Variants in UXS1 observed in about 807,000 individuals in gnomAD.
UXS1 encodes UDP-glucuronate decarboxylase 1.
A neutral mutation model predicts 62.6 loss-of-function variants in UXS1; 33 were observed. The ratio of observed to expected loss-of-function variants is 0.53; its 90% CI spans 0.40 to 0.70. The LOEUF (loss-of-function observed/expected upper bound fraction) is 0.70, where lower values mean the gene tolerates loss of function less well. Ranked by LOEUF, UXS1 falls within the 30% of genes least tolerant of loss-of-function variation. The probability of loss-of-function intolerance (pLI) is 0.00; values close to 1 mark genes in which losing one functional copy is unlikely to be tolerated. For missense variants in UXS1, 434 were observed against 556.3 expected (o/e 0.78, Z 2.21); for synonymous variants, 213 against 206.8 (o/e 1.03, Z -0.26).
At chr2:106,130,092 A>C (rs1171182091) in intron 6 of UXS1, among the ~76,000 whole-genome samples, 4 of 152,134 alleles carry the variant, frequency 2.6e-5, no homozygotes, top group African/African-American at 9.7e-5. Context: ...ATCAGAAGGA[A>C]GACTGATTTT....
chr2:106,110,946 G>T (rs1254008531), intron 10 of UXS1, among the ~76,000 whole-genome samples: 1 of 152,176 alleles, frequency 6.6e-6, no homozygotes, highest in Non-Finnish European at 1.5e-5. Flanking sequence ...AGAATGCCTG[G>T]AAGAAAAGCA....
At chr2:106,107,934 G>C (rs1200630355) in intron 10 of UXS1, among the ~76,000 whole-genome samples, 1 of 152,236 alleles carries the variant, frequency 6.6e-6, no homozygotes, top group African/African-American at 2.4e-5. Flanking sequence ...CAAGGAAATA[G>C]TCCCTAGTAC....
chr2:106,168,329 G>A (rs972307328), intron 1 of UXS1, among the ~76,000 whole-genome samples: 2 of 152,162 alleles, frequency 1.3e-5, no homozygotes, highest in African/African-American at 4.8e-5. Context: ...CCATGGCAAC[G>A]TCAGGAAGTT....
At chr2:106,166,128 T>C (rs773778127) in intron 1 of UXS1, 45 bp from the exon 2 acceptor site, 1 of 1,577,082 alleles carries the variant, frequency 6.3e-7, no homozygotes, top group African/African-American at 1.4e-5. Context: ...AGTCCACAAC[T>C]TTCAGGGATT....
rs751418142 is a variant in UXS1, at chr2:106,194,230, C to G, written c.12G>C (p.Lys4Asn). Residue 4 changes from lysine to asparagine, a missense_variant, in exon 1 of 15, where the codon AAG becomes AAC. Physicochemically the swap from Lys to Asn is moderately conservative, Grantham distance 94 (BLOSUM62 0). Transcript: ENST00000283148. ...CGGCAGACACGAGGCGCAGCAGCGC[C>G]TTGCTCACCATCCCCGGGAGCCGCG... is the stretch of plus-strand genomic sequence containing the variant. MVS[K>N]ALLRLVSAVN... The G allele has an allele frequency of 4.8e-6, 7 of 1,446,084 alleles. No homozygotes were observed. In the South Asian group the frequency reaches 7.8e-5, roughly 16 times the overall value. The allele number at this position is 1,446,084 out of a possible 1,614,324, so 89.6% of individuals were successfully genotyped here.
chr2:106,163,548 A>G, intron 4 of UXS1, 119 bp downstream of exon 4: 1 of 587,218 alleles, frequency 1.7e-6, no homozygotes, highest in Non-Finnish European at 2.9e-6. Flanking sequence ...AAAGTGGGGG[A>G]AATGCGTATA....
At chr2:106,117,252 G>C (rs889281888) in intron 9 of UXS1, among the ~76,000 whole-genome samples, 4 of 152,234 alleles carry the variant, frequency 2.6e-5, no homozygotes, top group African/African-American at 9.6e-5. Flanking sequence ...GGCCACCTGA[G>C]AGCCTGTCAA....
chr2:106,129,430 T>C (rs534399530), intron 7 of UXS1, among the ~76,000 whole-genome samples: 1 of 152,368 alleles, frequency 6.6e-6, no homozygotes, highest in South Asian at 2.1e-4. Flanking sequence ...ACCAGGGTGC[T>C]GCAGCCTGAT....
intron 1 of UXS1, among the ~76,000 whole-genome samples, chr2:106,187,511 C>T (rs899429600): frequency 1.3e-5 from 2 of 152,120 alleles, no homozygotes; most frequent in East Asian, 1.9e-4. Flanking sequence ...AAAACTGTAC[C>T]GTAACCAAAG....
rs562813349 is a variant in UXS1 at position 106,143,341 on chromosome 2, A to G, written c.472+1849T>C. 1.0e-4 allele frequency among the ~76,000 whole-genome samples: 14 copies of G among 137,874 alleles called. No homozygotes were observed. In the South Asian group the frequency reaches 1.3e-3, roughly 12 times the overall value. The allele number at this position is 137,874 out of a possible 152,430, so 90.5% of individuals were successfully genotyped here. On this transcript the variant is annotated intron_variant, in intron 6 of 14. Coordinates refer to ENST00000283148, the MANE Select transcript of UXS1 (RefSeq NM_001253875.2). ...GGAGAATGGCGTGAACCCGGGAGGCAGAGCTTGCAATGAGCTGAGATCGTG... is the reference window on the plus strand; with the variant it reads ...GGAGAATGGCGTGAACCCGGGAGGCGGAGCTTGCAATGAGCTGAGATCGTG...
chr2:106,186,989 T>C (rs933314663), intron 1 of UXS1, among the ~76,000 whole-genome samples: 16 of 152,116 alleles, frequency 1.1e-4, no homozygotes, highest in Non-Finnish European at 2.1e-4. Flanking sequence ...AGGAGATATA[T>C]GTAAAGTACT....
chr2:106,189,982 G>C (rs992048843), intron 1 of UXS1, among the ~76,000 whole-genome samples: 3 of 152,290 alleles, frequency 2.0e-5, no homozygotes, highest in Admixed American at 6.5e-5. Flanking sequence ...CAGGTGGTGA[G>C]GCTGGCAGCT....
intron 1 of UXS1, among the ~76,000 whole-genome samples, chr2:106,183,952 G>C (rs1684403827): frequency 6.6e-6 from 1 of 152,194 alleles, no homozygotes; most frequent in Non-Finnish European, 1.5e-5. Context: ...AGCACTTTGG[G>C]AGGCCGAGGT....
chr2:106,137,926 C>A (rs1198885701), intron 6 of UXS1, among the ~76,000 whole-genome samples: 1 of 152,204 alleles, frequency 6.6e-6, no homozygotes, highest in African/African-American at 2.4e-5. Context: ...TGCCACCTGA[C>A]TTATACTCAC....
chr2:106,192,622 G>C (rs1457704602), intron 1 of UXS1, among the ~76,000 whole-genome samples: 1 of 151,206 alleles, frequency 6.6e-6, no homozygotes, highest in East Asian at 1.9e-4. Flanking sequence ...AACCCTTGCA[G>C]CGACTATAGA....
At chr2:106,131,249 G>A (rs1680444966) in intron 6 of UXS1, among the ~76,000 whole-genome samples, 1 of 148,692 alleles carries the variant, frequency 6.7e-6, no homozygotes, top group Admixed American at 6.7e-5. Flanking sequence ...TGGCTGAGAG[G>A]GTCCTACGCC....
intron 1 of UXS1, chr2:106,166,613 T>C (rs1026385755): frequency 1.3e-5 from 2 of 153,190 alleles, no homozygotes; most frequent in Non-Finnish European, 2.9e-5. Context: ...TGGCTCACAC[T>C]GCTCTGAGCT....
chr2:106,118,548 G>A (rs1170014053), intron 9 of UXS1, among the ~76,000 whole-genome samples: 33 of 152,196 alleles, frequency 2.2e-4, no homozygotes, highest in South Asian at 2.1e-4. Flanking sequence ...ACACAGAGGC[G>A]GCAATTTAAT....
intron 4 of UXS1, among the ~76,000 whole-genome samples, chr2:106,162,392 T>G (rs1428272011): frequency 6.6e-6 from 1 of 152,242 alleles, no homozygotes; most frequent in East Asian, 1.9e-4. Context: ...TTGTAAGCTA[T>G]TGCCTTAGGG....
Sources: allele counts gnomAD v4.1 joint callset (sites outside exome capture counted in the v4.1 genomes callset), GRCh38; gene constraint gnomAD v4.1.1; transcripts MANE v1.5; gene names NCBI Gene and HGNC (gene_info 2026-07-23, HGNC 2026-07-21).